GABRG3: variants seen among roughly 807,000 people sequenced by gnomAD.
The protein encoded by GABRG3 is gamma-aminobutyric acid type A receptor subunit gamma3.
Under a neutral mutation model 48.8 loss-of-function variants are expected in GABRG3, and 25 were observed. The ratio of observed to expected loss-of-function variants is 0.51; its 90% confidence interval spans 0.37 to 0.72. The LOEUF is 0.72. GABRG3 is among the 30% of genes least tolerant of loss of function. GABRG3 has a pLI of 0.00. For synonymous variants in GABRG3, 227 were observed against 217.6 expected (o/e 1.04, Z -0.38); for missense variants, 394 against 577.9 (o/e 0.68, Z 3.26).
At chr15:27,228,101 G>T (rs555600135) in intron 3 of GABRG3, among the ~76,000 whole-genome samples, 1 of 152,138 alleles carries the variant, frequency 6.6e-6, no homozygotes, top group Admixed American at 6.5e-5. Flanking sequence ...AGGTTTGGGG[G>T]TATATGTGAA....
chr15:27,475,982 A>G (rs186630982), intron 5 of GABRG3, among the ~76,000 whole-genome samples: 1 of 152,304 alleles, frequency 6.6e-6, no homozygotes, highest in African/African-American at 2.4e-5. Context: ...ATTGTGGCTG[A>G]TTATTGGATG....
At chr15:27,313,188 A>G (rs1485703623) in intron 3 of GABRG3, among the ~76,000 whole-genome samples, 1 of 141,002 alleles carries the variant, frequency 7.1e-6, no homozygotes, top group African/African-American at 2.7e-5. Flanking sequence ...ACATATATAT[A>G]TATATGTGTA....
chr15:27,368,370 T>A lies in GABRG3; in HGVS notation c.574+39482T>A, dbSNP rs540545254. Reference sequence around the variant, plus strand: ...TGCTAGGGTGGTTGGTCAAAACTGTTGCAGGGTAGAAGGTCTAGATATGAG... The same window carrying A: ...TGCTAGGGTGGTTGGTCAAAACTGTAGCAGGGTAGAAGGTCTAGATATGAG... On this transcript the variant is annotated intron_variant, in intron 5 of 9. Transcript: ENST00000615808. Among the ~76,000 whole-genome samples the A allele has an allele frequency of 1.7e-3, 260 of 152,322 alleles. 2 individuals are homozygous for A. Among genetic ancestry groups the A allele is most frequent in the Non-Finnish European group, 3.3e-3 (227 of 68,016 alleles).
intron 6 of GABRG3, among the ~76,000 whole-genome samples, chr15:27,489,162 A>G (rs920308354): frequency 1.3e-5 from 2 of 151,956 alleles, no homozygotes; most frequent in African/African-American, 4.8e-5. Flanking sequence ...GTTTGCTGAG[A>G]ATGATGGTTT....
intron 6 of GABRG3, among the ~76,000 whole-genome samples, chr15:27,496,202 T>C (rs906620638): frequency 6.6e-6 from 1 of 152,186 alleles, no homozygotes; most frequent in Non-Finnish European, 1.5e-5. Flanking sequence ...TCTTGGGTCC[T>C]CTCTTGAGCT....
intron 2 of GABRG3, among the ~76,000 whole-genome samples, chr15:27,019,252 A>G (rs1287277044): frequency 2.6e-5 from 4 of 151,504 alleles, no homozygotes; most frequent in African/African-American, 9.7e-5. Flanking sequence ...TTGTATTTTT[A>G]GTAGAGACGG....
chr15:27,188,444 T>C (rs1888172905), intron 3 of GABRG3, among the ~76,000 whole-genome samples: 1 of 152,196 alleles, frequency 6.6e-6, no homozygotes, highest in Non-Finnish European at 1.5e-5. Context: ...TGATATCTCA[T>C]TGTGGTTTTG....
intron 3 of GABRG3, among the ~76,000 whole-genome samples, chr15:27,083,418 C>T (rs1399145575): frequency 2.0e-5 from 3 of 150,562 alleles, no homozygotes; most frequent in Non-Finnish European, 2.9e-5. Context: ...CTGCAACCTC[C>T]GCCACCCGGA....
chr15:27,473,126 A>G (rs1218675141), intron 5 of GABRG3, among the ~76,000 whole-genome samples: 1 of 152,214 alleles, frequency 6.6e-6, no homozygotes, highest in African/African-American at 2.4e-5. Flanking sequence ...CTCACTATAT[A>G]AAAATATAAT....
chr15:27,150,543 A>G (rs2140396104), intron 3 of GABRG3, among the ~76,000 whole-genome samples: 1 of 152,342 alleles, frequency 6.6e-6, no homozygotes, highest in Admixed American at 6.5e-5. Context: ...AATGCTATTA[A>G]AACACGTTTG....
chr15:27,096,837 T>C (rs760819612), intron 3 of GABRG3, among the ~76,000 whole-genome samples: 1 of 125,020 alleles, frequency 8.0e-6, no homozygotes, highest in South Asian at 2.4e-4. Context: ...TTTCTTTCTA[T>C]CTTTTTTTTT....
chr15:27,003,332 CA>C (rs1566905847), intron 2 of GABRG3, among the ~76,000 whole-genome samples: 1 of 151,388 alleles, frequency 6.6e-6, no homozygotes, highest in Non-Finnish European at 1.5e-5. Flanking sequence ...AACAAGTGAA[CA>C]AAGGTCTCTG....
intron 3 of GABRG3, among the ~76,000 whole-genome samples, chr15:27,105,213 A>G (rs1897429417): frequency 6.6e-6 from 1 of 152,188 alleles, no homozygotes; most frequent in African/African-American, 2.4e-5. Context: ...TGATAAAAGG[A>G]TCGATTCACC....
chr15:27,409,920 T>C (rs578106711), intron 5 of GABRG3, among the ~76,000 whole-genome samples: 1 of 152,276 alleles, frequency 6.6e-6, no homozygotes, highest in African/African-American at 2.4e-5. Flanking sequence ...ATGACTTTGA[T>C]TTCCTTTTTA....
At chr15:27,312,037 T>TC in intron 3 of GABRG3, among the ~76,000 whole-genome samples, 1 of 152,224 alleles carries the variant, frequency 6.6e-6, no homozygotes, top group East Asian at 1.9e-4. Context: ...AAAATTAGAA[T>TC]AACTATTATA....
In GABRG3 at chr15:27,295,764, G is replaced by T. The variant is rs531676670; in HGVS notation, c.271-31045G>T. On this transcript the variant is annotated intron_variant, in intron 3 of 9. Transcript: ENST00000615808. ...CAAACTTCAGGTTGTAACTCTCAGA[G>T]TCTACAGCCAAGGAGTAAAAGTGGA... is the stretch of plus-strand genomic sequence containing the variant. Among the ~76,000 whole-genome samples, 4 of 152,320 alleles carry T rather than the reference G, an allele frequency of 2.6e-5. No individual in the cohort carries two copies. The South Asian group carries it at 8.3e-4, about 32-fold the overall frequency.
intron 5 of GABRG3, among the ~76,000 whole-genome samples, chr15:27,369,168 T>G (rs28536707): frequency 0.2 from 30,473 of 152,076 alleles, 3,242 homozygotes; most frequent in Middle Eastern, 0.28. Context: ...CAGAAGTCAC[T>G]TTATCCAGCA....
intron 3 of GABRG3, among the ~76,000 whole-genome samples, chr15:27,031,423 C>A (rs1326303999): frequency 1.3e-5 from 2 of 152,180 alleles, no homozygotes; most frequent in Non-Finnish European, 2.9e-5. Context: ...ATACAATAGT[C>A]AACCTTGTAG....
intron 3 of GABRG3, among the ~76,000 whole-genome samples, chr15:27,114,943 C>G (rs1381705492): frequency 3.3e-5 from 5 of 152,014 alleles, no homozygotes; most frequent in African/African-American, 1.2e-4. Context: ...ATCATTATTA[C>G]CTGAGTTAAG....
Sources: gnomAD v4.1 joint callset for allele counts (sites outside exome capture counted in the v4.1 genomes callset) on GRCh38, gnomAD v4.1.1 for gene constraint, MANE v1.5 for transcripts, NCBI Gene and HGNC (gene_info 2026-07-23, HGNC 2026-07-21) for gene names.